The following CALD1 variants were observed in gnomAD, a reference collection of about 807,000 sequenced individuals.
CALD1 encodes caldesmon.
CALD1 carries 33 observed loss-of-function variants against 99.9 expected under a neutral mutation model. The observed-to-expected ratio is 0.33, with a 90% CI of 0.25 to 0.44. The LOEUF (loss-of-function observed/expected upper bound fraction) is 0.44. Ranked by LOEUF, CALD1 falls within the 20% of genes least tolerant of loss-of-function variation. The probability of loss-of-function intolerance (pLI) is 1.00; values close to 1 mark genes in which losing one functional copy is unlikely to be tolerated. For synonymous variants in CALD1, 310 were observed against 325.0 expected (o/e 0.95, Z 0.50); for missense variants, 861 against 962.1 (o/e 0.89, Z 1.39).
At chr7:134,744,450 C>CAT (rs3219700) in intron 1 of CALD1, 7 of 140,862 alleles carry the variant, frequency 5.0e-5, no homozygotes, top group South Asian at 2.4e-4. Context: ...ATCAGGAAGT[C>CAT]GTGTGTGTGT....
At chr7:134,781,747 C>T (rs531025464) in intron 1 of CALD1, among the ~76,000 whole-genome samples, 73 of 152,206 alleles carry the variant, frequency 4.8e-4, no homozygotes, top group Middle Eastern at 3.4e-3. Context: ...TTCAAGTATT[C>T]GAAGCAAATA....
At chr7:134,931,292 G>A (rs1179221483) in intron 4 of CALD1, among the ~76,000 whole-genome samples, 1 of 152,166 alleles carries the variant, frequency 6.6e-6, no homozygotes, top group Non-Finnish European at 1.5e-5. Flanking sequence ...TAGCATAAGA[G>A]TACTTTAATC....
At chr7:134,947,415 G>A in intron 7 of CALD1, 93 bp from the exon 8 acceptor site, 3 of 1,299,132 alleles carry the variant, frequency 2.3e-6, no homozygotes, top group South Asian at 1.4e-5. Flanking sequence ...GTATTTAGTC[G>A]GGGATGCAGA....
Position 134,970,689 on chromosome 7 carries a change from A to C in CALD1, c.*2344A>C, listed in dbSNP as rs1808986759. 6.6e-6 allele frequency: 1 copy of C among 152,468 alleles called. No homozygotes were observed. Among genetic ancestry groups the C allele is most frequent in the Non-Finnish European group, 1.5e-5 (1 of 68,038 alleles). The allele number at this position is 152,468 out of a possible 1,614,324, so 9.4% of individuals were successfully genotyped here. A position where few individuals can be genotyped will look rare whatever the true frequency, so the allele number is the denominator to read the frequency against. ...ATGTACAATATTGATAGTGAGAGGT[A>C]TGTCTATTATAATAAAGATTATGGC... On this transcript the variant is annotated 3_prime_UTR_variant, in exon 15 of 15. Transcript: ENST00000361675.
chr7:134,867,894 T>C (rs1430027125), intron 3 of CALD1, 90 bp downstream of exon 3: 2 of 683,334 alleles, frequency 2.9e-6, no homozygotes, highest in Non-Finnish European at 2.4e-6. Context: ...AGGCCAAATG[T>C]GGTCATATCG....
chr7:134,713,291 C>T, the CALD1 span, among the ~76,000 whole-genome samples: 1 of 152,178 alleles, frequency 6.6e-6, no homozygotes, highest in Non-Finnish European at 1.5e-5. Flanking sequence ...TGACCTAGCC[C>T]CTATTCCTTC....
intron 1 of CALD1, among the ~76,000 whole-genome samples, chr7:134,822,477 A>G (rs550738637): frequency 2.0e-5 from 3 of 152,328 alleles, no homozygotes; most frequent in Admixed American, 6.5e-5. Flanking sequence ...TCTATCTACA[A>G]ATTTTATTCT....
intron 1 of CALD1, among the ~76,000 whole-genome samples, chr7:134,765,288 T>C (rs1796815709): frequency 6.7e-6 from 1 of 148,476 alleles, no homozygotes; most frequent in Non-Finnish European, 1.5e-5. Context: ...TACTCCAGCC[T>C]GGATGACAGA....
At chr7:134,859,134 C>T (rs997335761) in intron 2 of CALD1, among the ~76,000 whole-genome samples, 34 of 152,338 alleles carry the variant, frequency 2.2e-4, no homozygotes, top group Admixed American at 2.2e-3. Flanking sequence ...TAGATGGCCA[C>T]TTCTTCTCCC....
the CALD1 span, among the ~76,000 whole-genome samples, chr7:134,715,307 C>T: frequency 1.3e-5 from 2 of 152,178 alleles, no homozygotes; most frequent in African/African-American, 4.8e-5. Context: ...TATTTTCGCT[C>T]TTGTGTATAT....
At chr7:134,815,527 T>C (rs1203143860) in intron 1 of CALD1, among the ~76,000 whole-genome samples, 1 of 152,152 alleles carries the variant, frequency 6.6e-6, no homozygotes, top group East Asian at 1.9e-4. Flanking sequence ...GTTTTGGCTG[T>C]ATAGCTCTGA....
intron 1 of CALD1, among the ~76,000 whole-genome samples, chr7:134,835,234 G>A (rs969992487): frequency 6.6e-6 from 1 of 152,178 alleles, no homozygotes; most frequent in African/African-American, 2.4e-5. Flanking sequence ...ATCCTGACCT[G>A]AGCCCTGTGT....
chr7:134,958,139 G>A (rs1455567858), intron 10 of CALD1, 27 bp downstream of exon 10: 1 of 1,607,924 alleles, frequency 6.2e-7, no homozygotes. Context: ...GTTCAATTGA[G>A]CTAATCAGCT....
At chr7:134,924,239 A>T (rs1804820819) in intron 3 of CALD1, among the ~76,000 whole-genome samples, 1 of 152,228 alleles carries the variant, frequency 6.6e-6, no homozygotes, top group Admixed American at 6.5e-5. Flanking sequence ...ATCATGTTCA[A>T]ATCTGGGTTT....
At chr7:134,864,276 G>A (rs1398568549) in intron 2 of CALD1, among the ~76,000 whole-genome samples, 2 of 151,202 alleles carry the variant, frequency 1.3e-5, no homozygotes, top group Non-Finnish European at 2.9e-5. Flanking sequence ...GAACCTGGGA[G>A]GCAAAGGCTG....
chr7:134,962,683 T>A, intron 13 of CALD1: 1 of 372,828 alleles, frequency 2.7e-6, no homozygotes. Flanking sequence ...ACTTTGTAAC[T>A]GCAATTCAAT....
chr7:134,958,322 T>A (rs758304725), intron 11 of CALD1, 32 bp downstream of exon 11: 1 of 1,522,108 alleles, frequency 6.6e-7, no homozygotes, highest in South Asian at 1.1e-5. Flanking sequence ...ATGGTCCTGC[T>A]GAACAGAAAT....
chr7:134,766,248 T>C (rs1192104930), intron 1 of CALD1, among the ~76,000 whole-genome samples: 2 of 144,296 alleles, frequency 1.4e-5, no homozygotes, highest in Non-Finnish European at 3.0e-5. Context: ...GCCTCCTGGG[T>C]TCAACCGATT....
chr7:134,859,399 T>A lies in CALD1; in HGVS notation c.-41-8294T>A, dbSNP rs1011894492. Among the ~76,000 whole-genome samples the A allele has an allele frequency of 5.3e-5, 8 of 152,246 alleles. No homozygotes were observed. In the South Asian group the frequency reaches 8.3e-4, roughly 16 times the overall value. On this transcript the variant is annotated intron_variant, in intron 2 of 14. Transcript: ENST00000361675. ...GCTTGTGTCATTTGTTCTTCTCTAG[T>A]GGCCAATAGAGCAGCATGCCTATTC...
Sources: allele counts gnomAD v4.1 joint callset (sites outside exome capture counted in the v4.1 genomes callset), GRCh38; gene constraint gnomAD v4.1.1; transcripts MANE v1.5; gene names NCBI Gene and HGNC (gene_info 2026-07-23, HGNC 2026-07-21).